The following KIRREL3 variants were observed in gnomAD, a reference collection of about 807,000 sequenced individuals.
The protein encoded by KIRREL3 is kirre like nephrin family adhesion molecule 3.
In KIRREL3, 36 loss-of-function variants were observed where a neutral mutation model predicts 89.7. That is an observed-to-expected ratio of 0.40 (90% CI 0.31 to 0.53). The LOEUF (loss-of-function observed/expected upper bound fraction) is 0.53. Ranked by LOEUF, KIRREL3 falls within the 20% of genes least tolerant of loss-of-function variation. The pLI is 0.49. For synonymous variants in KIRREL3, 445 were observed against 441.4 expected (o/e 1.01, Z -0.10); for missense variants, 864 against 1,056.6 (o/e 0.82, Z 2.53).
intron 1 of KIRREL3, among the ~76,000 whole-genome samples, chr11:126,800,796 C>A (rs1001860364): frequency 6.6e-6 from 1 of 152,172 alleles, no homozygotes; most frequent in Non-Finnish European, 1.5e-5. Context: ...AACCCCTGGA[C>A]AATGAGTGAG....
chr11:126,741,010 A>G (rs1948963562), intron 1 of KIRREL3, among the ~76,000 whole-genome samples: 1 of 152,204 alleles, frequency 6.6e-6, no homozygotes, highest in South Asian at 2.1e-4. Context: ...TTCCACCACA[A>G]GGAGCTCATT....
chr11:126,820,810 G>A (rs925215593), intron 1 of KIRREL3, among the ~76,000 whole-genome samples: 2 of 152,140 alleles, frequency 1.3e-5, no homozygotes, highest in African/African-American at 2.4e-5. Flanking sequence ...CTCACTGGCC[G>A]TTATAGCTGT....
chr11:126,963,417 A>G (rs531394860), intron 1 of KIRREL3, among the ~76,000 whole-genome samples: 1 of 152,236 alleles, frequency 6.6e-6, no homozygotes, highest in East Asian at 1.9e-4. Context: ...AAAGAAGATA[A>G]ATCAACTGGA....
At position 126,423,485 on chromosome 11, in the gene KIRREL3, A is replaced by G. The variant is rs563702308; in HGVS notation, c.*1095T>C. On this transcript the variant is annotated 3_prime_UTR_variant, in exon 17 of 17. Transcript: ENST00000525144. The stretch of plus-strand genomic sequence containing the variant: ...TGGCTTTGTAGGAACAAAAGAACAG[A>G]ACAAACATGTTGGAGTAGTGTCCCT... The G allele has an allele frequency of 1.3e-5, 2 of 152,332 alleles. No individual in the cohort carries two copies. The highest frequency in any genetic ancestry group is 2.1e-4 in the South Asian group (1 of 4,828). 9.4% of individuals were successfully genotyped at this position (152,332 alleles called of 1,614,324 possible).
Position 126,705,574 on chromosome 11 carries a change from G to A in KIRREL3, c.56-142662C>T, listed in dbSNP as rs1477184726. 6.6e-6 allele frequency among the ~76,000 whole-genome samples: 1 copy of A among 152,156 alleles called. No homozygotes were observed. Among genetic ancestry groups the A allele is most frequent in the African/African-American group, 2.4e-5 (1 of 41,428 alleles). ...CTTCCTGTACAGCCTGCAGAACTGTGAGCCAATTAAACCTCTTTTCTTTAT... is the reference window on the plus strand; with the variant it reads ...CTTCCTGTACAGCCTGCAGAACTGTAAGCCAATTAAACCTCTTTTCTTTAT... On this transcript the variant is annotated intron_variant, in intron 1 of 16. Transcript: ENST00000525144. The surrounding 1 kb of genome is among the most constrained non-coding windows in gnomAD (Gnocchi z 4.3).
chr11:126,545,781 G>A (rs907915944), intron 2 of KIRREL3, among the ~76,000 whole-genome samples: 1 of 152,184 alleles, frequency 6.6e-6, no homozygotes, highest in South Asian at 2.1e-4. Context: ...TCTGGTTCTG[G>A]AGGGCATTGG....
rs1256857744 is a variant in KIRREL3 at position 126,773,467 on chromosome 11, G to A, written c.56-210555C>T. 1.3e-5 allele frequency among the ~76,000 whole-genome samples: 2 copies of A among 152,180 alleles called. No individual in the cohort carries two copies. Among genetic ancestry groups the A allele is most frequent in the Non-Finnish European group, 2.9e-5 (2 of 68,040 alleles). ...GATTTTGGACTTACCAGTCTCCATC[G>A]TTGTGTGAGCCAGTCCCTTAAAATA... On this transcript the variant is annotated intron_variant, in intron 1 of 16. Transcript: ENST00000525144. The surrounding 1 kb of genome is among the most constrained non-coding windows in gnomAD (Gnocchi z 4.2).
At chr11:126,961,687 G>A (rs1002251520) in intron 1 of KIRREL3, among the ~76,000 whole-genome samples, 6 of 152,216 alleles carry the variant, frequency 3.9e-5, no homozygotes, top group African/African-American at 1.4e-4. Context: ...CTTGATAAAT[G>A]TGGCTACACT....
At chr11:126,939,235 C>T (rs1948334532) in intron 1 of KIRREL3, among the ~76,000 whole-genome samples, 1 of 152,218 alleles carries the variant, frequency 6.6e-6, no homozygotes, top group Admixed American at 6.5e-5. Context: ...CAGAAGCAAT[C>T]TCTCCCTTCT....
intron 1 of KIRREL3, among the ~76,000 whole-genome samples, chr11:126,617,422 A>G (rs1323112708): frequency 6.6e-6 from 1 of 152,212 alleles, no homozygotes; most frequent in African/African-American, 2.4e-5. Flanking sequence ...AAAGAAATTC[A>G]AGGTTGGACA....
At position 126,897,615 on chromosome 11, in the gene KIRREL3, C is replaced by G. The variant is rs774140852; in HGVS notation, c.55+102840G>C. 1.3e-5 allele frequency among the ~76,000 whole-genome samples: 2 copies of G among 152,154 alleles called. No individual in the cohort carries two copies. The highest frequency in any genetic ancestry group is 2.9e-5 in the Non-Finnish European group (2 of 68,030). On this transcript the variant is annotated intron_variant, in intron 1 of 16. Coordinates refer to ENST00000525144, the MANE Select transcript of KIRREL3 (RefSeq NM_032531.4). The surrounding 1 kb of genome is among the most constrained non-coding windows in gnomAD (Gnocchi z 4.2). ...AGGGTATTTTTATTTCTCTTCTCTCCATGTTGCACAATACCACATCAAAAA... is the reference window on the plus strand; with the variant it reads ...AGGGTATTTTTATTTCTCTTCTCTCGATGTTGCACAATACCACATCAAAAA...
rs995970017 is a variant in KIRREL3, at chr11:126,867,359, G to A, written c.55+133096C>T. Among the ~76,000 whole-genome samples, 2 of 152,066 alleles carry A rather than the reference G, an allele frequency of 1.3e-5. No individual in the cohort carries two copies. Among genetic ancestry groups the A allele is most frequent in the African/African-American group, 2.4e-5 (1 of 41,402 alleles). On this transcript the variant is annotated intron_variant, in intron 1 of 16. Coordinates refer to ENST00000525144, the MANE Select transcript of KIRREL3 (RefSeq NM_032531.4). The surrounding 1 kb of genome is among the most constrained non-coding windows in gnomAD (Gnocchi z 4.7). ...CCAGGTGCCTCGAGGTTCTACACAC[G>A]GCCTGCCTTAGCCATCAGGCTTCCC... is the stretch of plus-strand genomic sequence containing the variant.
intron 7 of KIRREL3, among the ~76,000 whole-genome samples, chr11:126,453,551 C>G (rs934037341): frequency 2.6e-5 from 4 of 152,234 alleles, no homozygotes; most frequent in Non-Finnish European, 4.4e-5. Flanking sequence ...ATGAGATTTG[C>G]TTACGGCTTT....
rs1206291314 is a variant in KIRREL3 at position 126,877,845 on chromosome 11, T to C, written c.55+122610A>G. ...GTATCTTGAACCTATCATCCACATG[T>C]TTTTTGTGCCTGAAAAAGCAGAATA... is the stretch of plus-strand genomic sequence containing the variant. On this transcript the variant is annotated intron_variant, in intron 1 of 16. Coordinates refer to ENST00000525144, the MANE Select transcript of KIRREL3 (RefSeq NM_032531.4). This position sits in a 1 kb window ranked among gnomAD's most constrained non-coding sequence, Gnocchi z 4.9. Among the ~76,000 whole-genome samples, 2 of 152,140 alleles carry C rather than the reference T, an allele frequency of 1.3e-5. No individual in the cohort carries two copies. The highest frequency in any genetic ancestry group is 1.9e-4 in the East Asian group (1 of 5,194).
intron 1 of KIRREL3, among the ~76,000 whole-genome samples, chr11:126,874,902 C>T (rs1296704165): frequency 1.3e-5 from 2 of 152,144 alleles, no homozygotes; most frequent in Non-Finnish European, 2.9e-5. Context: ...GAGGTGGAGA[C>T]CTGGGCAAGA....
rs1242461023 is a variant in KIRREL3 at position 126,739,175 on chromosome 11, C to T, written c.56-176263G>A. Among the ~76,000 whole-genome samples, 6 of 152,072 alleles carry T rather than the reference C, an allele frequency of 3.9e-5. No homozygotes were observed. The highest frequency in any genetic ancestry group is 5.9e-5 in the Non-Finnish European group (4 of 68,042). ...GGCTCCAAAGCCAAACCCTTCCACC[C>T]GTTCCGTGCTATTGTTGGAGATGTG... On this transcript the variant is annotated intron_variant, in intron 1 of 16. Transcript: ENST00000525144. This position sits in a 1 kb window ranked among gnomAD's most constrained non-coding sequence, Gnocchi z 5.5.
intron 1 of KIRREL3, among the ~76,000 whole-genome samples, chr11:126,699,556 A>G (rs1396148041): frequency 3.3e-5 from 5 of 152,356 alleles, no homozygotes; most frequent in Admixed American, 3.3e-4. Context: ...AATATTATTA[A>G]TTCAATAGAT....
chr11:126,776,535 G>A lies in KIRREL3; in HGVS notation c.56-213623C>T, dbSNP rs1243129201. On this transcript the variant is annotated intron_variant, in intron 1 of 16. Coordinates refer to ENST00000525144, the MANE Select transcript of KIRREL3 (RefSeq NM_032531.4). The surrounding 1 kb of genome is among the most constrained non-coding windows in gnomAD (Gnocchi z 4.7). Reference sequence around the variant, plus strand: ...CAGGTCTCTACTAGGTGTCAGAGCCGTCGGTAGGGTTAATGCAGGTCCCTT... The same window carrying A: ...CAGGTCTCTACTAGGTGTCAGAGCCATCGGTAGGGTTAATGCAGGTCCCTT... Among the ~76,000 whole-genome samples, 1 of 152,168 alleles carries A rather than the reference G, an allele frequency of 6.6e-6. No individual in the cohort carries two copies. The highest frequency in any genetic ancestry group is 6.5e-5 in the Admixed American group (1 of 15,276).
intron 1 of KIRREL3, among the ~76,000 whole-genome samples, chr11:126,644,714 T>A (rs1048236768): frequency 2.0e-5 from 3 of 152,024 alleles, no homozygotes; most frequent in African/African-American, 7.3e-5. Context: ...TTGAAGTGAG[T>A]CTGTGGAAAA....
Sources: gnomAD v4.1 joint callset for allele counts (sites outside exome capture counted in the v4.1 genomes callset) on GRCh38, gnomAD v4.1.1 for gene constraint, Gnocchi (gnomAD v3.1) non-coding constraint, MANE v1.5 for transcripts, NCBI Gene and HGNC (gene_info 2026-07-23, HGNC 2026-07-21) for gene names.